Variants in PYGB observed in about 807,000 individuals in gnomAD.
The protein encoded by PYGB is glycogen phosphorylase, brain form.
PYGB carries 82 observed loss-of-function variants against 94.3 expected under a neutral mutation model. That is an observed-to-expected ratio of 0.87 (90% confidence interval 0.73 to 1.04). The LOEUF (loss-of-function observed/expected upper bound fraction) is 1.04. Ranked by LOEUF, PYGB falls within the 50% of genes least tolerant of loss-of-function variation. The pLI is 0.00. For synonymous variants in PYGB, 488 were observed against 479.1 expected, an observed-to-expected ratio of 1.02 and a Z score of -0.24; for missense variants, 1,132 against 1,158.2, an observed-to-expected ratio of 0.98 and a Z score of 0.33.
intron 2 of PYGB, among the ~76,000 whole-genome samples, chr20:25,263,802 CA>C (rs1490419038): frequency 6.6e-6 from 1 of 151,958 alleles, no homozygotes; most frequent in Non-Finnish European, 1.5e-5. Context: ...GCCTAGCAAC[CA>C]AAAAAAGTCC....
intron 1 of PYGB, among the ~76,000 whole-genome samples, chr20:25,254,665 G>C (rs1368678725): frequency 6.6e-6 from 1 of 152,208 alleles, no homozygotes; most frequent in Non-Finnish European, 1.5e-5. Context: ...GTTTAAAAAC[G>C]ATGACTGGTA....
In PYGB at chr20:25,248,362, G is replaced by A; in HGVS notation, c.184G>A (p.Asp62Asn). The A allele has an allele frequency of 6.3e-7, 1 of 1,597,660 alleles. No individual in the cohort carries two copies. The highest frequency in any genetic ancestry group is 8.5e-7 in the Non-Finnish European group (1 of 1,173,284). Residue 62 changes from aspartate (D) to asparagine (N), a missense_variant, in exon 1 of 20, where the codon GAC becomes AAC. Coordinates refer to ENST00000216962, the MANE Select transcript of PYGB (RefSeq NM_002862.4). ...YFFALAHTVRDHLVGRWIRTQ... is the reference protein window; with the variant it reads ...YFFALAHTVRNHLVGRWIRTQ... ...CTTCGCGCTGGCGCACACGGTGCGC[G>A]ACCACCTCGTGGGCCGCTGGATCCG...
At chr20:25,257,012 C>T (rs771503523) in intron 1 of PYGB, among the ~76,000 whole-genome samples, 1 of 152,174 alleles carries the variant, frequency 6.6e-6, no homozygotes, top group Non-Finnish European at 1.5e-5. Flanking sequence ...CTCTCAGAGG[C>T]TGAGTGACTT....
At chr20:25,251,770 A>G (rs3787078) in intron 1 of PYGB, among the ~76,000 whole-genome samples, 28,696 of 152,218 alleles carry the variant, frequency 0.19, 3,121 homozygotes, top group East Asian at 0.34. Context: ...AGTGGATGTA[A>G]CAATCAGTTT....
chr20:25,259,572 C>T (rs998255453), intron 2 of PYGB, among the ~76,000 whole-genome samples: 1 of 152,130 alleles, frequency 6.6e-6, no homozygotes, highest in African/African-American at 2.4e-5. Flanking sequence ...AATTGGGATG[C>T]GAAGGTGTGG....
At chr20:25,272,273 C>T (rs1215884985) in intron 4 of PYGB, among the ~76,000 whole-genome samples, 1 of 152,162 alleles carries the variant, frequency 6.6e-6, no homozygotes, top group Non-Finnish European at 1.5e-5. Flanking sequence ...ATGTACAACC[C>T]CAATGAATGT....
intron 17 of PYGB, 73 bp from the exon 18 acceptor site, chr20:25,294,085 A>G: frequency 6.3e-7 from 1 of 1,575,282 alleles, no homozygotes; most frequent in Non-Finnish European, 8.6e-7. Flanking sequence ...TGTGCCAGGC[A>G]CCAACATGGC....
intron 8 of PYGB, among the ~76,000 whole-genome samples, chr20:25,278,759 A>G (rs1416920309): frequency 6.6e-6 from 1 of 152,180 alleles, no homozygotes; most frequent in African/African-American, 2.4e-5. Context: ...TTCCAGTGAG[A>G]GAGCCCCCAG....
rs192610597 is a variant in PYGB, at chr20:25,269,078, A to G, written c.346-51A>G. The stretch of plus-strand genomic sequence containing the variant: ...TTACACATCTTTCAGCCTGTCATTC[A>G]AGGGAAAATATTGAGTAACATTAAA... On this transcript the variant is annotated intron_variant, in intron 2 of 19. Transcript: ENST00000216962. 2.8e-5 allele frequency: 41 copies of G among 1,452,468 alleles called. No homozygotes were observed. In the Admixed American group the frequency reaches 5.9e-4, roughly 21 times the overall value. 90.0% of individuals were successfully genotyped at this position (1,452,468 alleles called of 1,614,324 possible).
Position 25,249,097 on chromosome 20 carries a change from ATTTG to A in PYGB, c.243+681_243+684del, listed in dbSNP as rs369670010. On this transcript the variant is annotated intron_variant, in intron 1 of 19. Transcript: ENST00000216962. ...TTGTTACTTTTTATATCTTGCAAAA[ATTTG>A]TTTGAGTAGTGAAACAAAGTCACTG... Among the ~76,000 whole-genome samples the A allele has an allele frequency of 2.9e-3, 441 of 152,324 alleles. 4 individuals are homozygous for A. The highest frequency in any genetic ancestry group is 0.01 in the African/African-American group (421 of 41,578).
chr20:25,271,127 A>T (rs2088262947), intron 3 of PYGB, among the ~76,000 whole-genome samples: 1 of 152,080 alleles, frequency 6.6e-6, no homozygotes, highest in Non-Finnish European at 1.5e-5. Flanking sequence ...GAGAGGTTCC[A>T]GGCCTGGCCG....
intron 14 of PYGB, chr20:25,284,949 GA>G (rs1475166983): frequency 6.6e-6 from 1 of 152,196 alleles, no homozygotes; most frequent in Admixed American, 6.5e-5. Flanking sequence ...AATAGATAAT[GA>G]AACCTTAAGG....
Position 25,297,611 on chromosome 20 carries a change from C to T in PYGB, c.*1089C>T, listed in dbSNP as rs2088568800. 1.3e-5 allele frequency: 2 copies of T among 152,392 alleles called. No homozygotes were observed. Among genetic ancestry groups the T allele is most frequent in the Admixed American group, 1.3e-4 (2 of 15,286 alleles). 9.4% of individuals were successfully genotyped at this position (152,392 alleles called of 1,614,324 possible). A position where few individuals can be genotyped will look rare whatever the true frequency, so the allele number is the denominator to read the frequency against. ...GAGGTGGGGGTGAGCCCCTCACAGC[C>T]TTGCCCCTCCCCAAGGCTGGCAACC... On this transcript the variant is annotated 3_prime_UTR_variant, in exon 20 of 20. Transcript: ENST00000216962.
chr20:25,273,811 G>A (rs1293729609), intron 4 of PYGB, among the ~76,000 whole-genome samples: 6 of 152,122 alleles, frequency 3.9e-5, no homozygotes, highest in African/African-American at 1.4e-4. Context: ...CAGCACTTGC[G>A]GATTTGCAGT....
chr20:25,277,182 A>G, intron 6 of PYGB, 62 bp from the exon 7 acceptor site: 1 of 1,336,264 alleles, frequency 7.5e-7, no homozygotes, highest in Non-Finnish European at 1.1e-6. Context: ...TAGGCCCCTG[A>G]GCGGTTGCAG....
At chr20:25,274,140 C>T (rs1173000083) in intron 4 of PYGB, among the ~76,000 whole-genome samples, 1 of 149,570 alleles carries the variant, frequency 6.7e-6, no homozygotes, top group African/African-American at 2.4e-5. Context: ...ACATTTTCAT[C>T]CCTCCAGAAA....
chr20:25,290,377 T>C (rs2088455359), intron 15 of PYGB, 104 bp from the exon 16 acceptor site: 30 of 1,438,506 alleles, frequency 2.1e-5, no homozygotes, highest in Non-Finnish European at 2.9e-5. Flanking sequence ...GGCAGGTTCC[T>C]GTGGCTCTAG....
intron 19 of PYGB, 48 bp from the exon 20 acceptor site, chr20:25,296,321 GC>G (rs2088543450): frequency 1.1e-5 from 18 of 1,606,880 alleles, no homozygotes; most frequent in Non-Finnish European, 1.5e-5. Context: ...GTTTTTAGCA[GC>G]CCCAAGCCCT....
At chr20:25,280,521 T>C in intron 10 of PYGB, 109 bp downstream of exon 10, 1 of 1,418,240 alleles carries the variant, frequency 7.1e-7, no homozygotes, top group East Asian at 2.3e-5. Flanking sequence ...AGGCACCCTC[T>C]GTTCAGCAGA....
Sources: allele counts gnomAD v4.1 joint callset (sites outside exome capture counted in the v4.1 genomes callset), GRCh38; gene constraint gnomAD v4.1.1; transcripts MANE v1.5; gene names NCBI Gene and HGNC (gene_info 2026-07-23, HGNC 2026-07-21).